Variants in BCAT1 observed in about 807,000 individuals in gnomAD.
The protein encoded by BCAT1 is branched chain amino acid transaminase 1, also known as branched-chain-amino-acid aminotransferase, cytosolic.
A neutral mutation model predicts 52.4 loss-of-function variants in BCAT1; 48 were observed. The ratio of observed to expected loss-of-function variants is 0.92; its 90% CI spans 0.73 to 1.16. The LOEUF (loss-of-function observed/expected upper bound fraction) is 1.16. Ranked by LOEUF, BCAT1 falls within the 50% of genes most tolerant of loss-of-function variation. The probability of loss-of-function intolerance (pLI) is 0.00; values close to 1 mark genes in which losing one functional copy is unlikely to be tolerated. For synonymous variants in BCAT1, 167 were observed against 161.3 expected, an observed-to-expected ratio of 1.04 and a Z score of -0.27; for missense variants, 451 against 457.1, an observed-to-expected ratio of 0.99 and a Z score of 0.12.
Position 24,949,084 on chromosome 12 carries a change from C to A in BCAT1, c.-152G>T, listed in dbSNP as rs924920734. ...AGTGCCCGAGGCGGCGGCGAGTACA[C>A]GTGGCGGGCTGGATTGCAGACCGGC... On this transcript the variant is annotated 5_prime_UTR_variant, in exon 1 of 11. Transcript: ENST00000261192. 3 of 701,580 alleles carry A rather than the reference C, an allele frequency of 4.3e-6. No individual in the cohort carries two copies. Among genetic ancestry groups the A allele is most frequent in the Non-Finnish European group, 7.1e-6 (3 of 422,026 alleles). The allele number at this position is 701,580 out of a possible 1,614,324, so 43.5% of individuals were successfully genotyped here.
intron 10 of BCAT1, among the ~76,000 whole-genome samples, chr12:24,824,592 G>A (rs1466014643): frequency 6.6e-6 from 1 of 152,108 alleles, no homozygotes; most frequent in Non-Finnish European, 1.5e-5. Context: ...GAGCCATCAT[G>A]CCCACCTAAA....
chr12:24,935,425 C>T (rs1451904706), intron 1 of BCAT1, among the ~76,000 whole-genome samples: 2 of 152,062 alleles, frequency 1.3e-5, no homozygotes, highest in East Asian at 3.9e-4. Flanking sequence ...CAACTCATTC[C>T]TCTCTATTTT....
intron 7 of BCAT1, among the ~76,000 whole-genome samples, chr12:24,841,810 G>A (rs1565457438): frequency 6.6e-6 from 1 of 152,258 alleles, no homozygotes; most frequent in East Asian, 1.9e-4. Context: ...TCGGGAGGCT[G>A]AGGCAGGAGA....
chr12:24,924,916 A>G (rs1193316902), intron 1 of BCAT1, among the ~76,000 whole-genome samples: 3 of 152,194 alleles, frequency 2.0e-5, no homozygotes, highest in Non-Finnish European at 2.9e-5. Flanking sequence ...CTTGGGAGAA[A>G]GAGAAAGCAT....
chr12:24,858,864 T>A (rs563548747), intron 5 of BCAT1, among the ~76,000 whole-genome samples: 1 of 152,202 alleles, frequency 6.6e-6, no homozygotes, highest in African/African-American at 2.4e-5. Flanking sequence ...TTAAGTTACA[T>A]AGGATAAAGC....
At chr12:24,922,287 C>T (rs1249863896) in intron 1 of BCAT1, among the ~76,000 whole-genome samples, 4 of 152,192 alleles carry the variant, frequency 2.6e-5, no homozygotes, top group African/African-American at 4.8e-5. Context: ...GCCTCAGTCC[C>T]CCAAGTAGCT....
At position 24,836,801 on chromosome 12, in the gene BCAT1, GGAAA is replaced by G. The variant is rs1469287799; in HGVS notation, c.818-209_818-206del. ...AAAAAAAGAAGAAAGAAGGAAGGAA[GGAAA>G]GAAGGAAGGAAGGAAAGAAGGAAGG... On this transcript the variant is annotated intron_variant, in intron 7 of 10. Transcript: ENST00000261192. Among the ~76,000 whole-genome samples the G allele has an allele frequency of 3.7e-5, 4 of 108,428 alleles. No individual in the cohort carries two copies. The Admixed American group carries it at 4.2e-4, about 11-fold the overall frequency. 71.1% of individuals were successfully genotyped at this position (108,428 alleles called of 152,430 possible).
chr12:24,821,306 T>C (rs865992034), intron 10 of BCAT1, among the ~76,000 whole-genome samples: 3 of 152,230 alleles, frequency 2.0e-5, no homozygotes, highest in Non-Finnish European at 1.5e-5. Flanking sequence ...TGCTCCTATC[T>C]CATTCAAGCT....
At chr12:24,848,581 T>A (rs1257081400) in intron 6 of BCAT1, among the ~76,000 whole-genome samples, 1 of 152,252 alleles carries the variant, frequency 6.6e-6, no homozygotes, top group Non-Finnish European at 1.5e-5. Context: ...GGGAAACTTT[T>A]TCCTTATTAC....
intron 3 of BCAT1, among the ~76,000 whole-genome samples, chr12:24,882,492 G>A (rs1942531444): frequency 6.6e-6 from 1 of 152,036 alleles, no homozygotes. Context: ...CAGTACTAAA[G>A]CTTCGGTTAA....
chr12:24,874,352 TA>T (rs1325654311), intron 5 of BCAT1, among the ~76,000 whole-genome samples: 2 of 152,088 alleles, frequency 1.3e-5, no homozygotes, highest in Non-Finnish European at 2.9e-5. Flanking sequence ...AAGGATCAGT[TA>T]ATTATAAAAC....
At chr12:24,927,824 C>T (rs1943615025) in intron 1 of BCAT1, among the ~76,000 whole-genome samples, 1 of 152,166 alleles carries the variant, frequency 6.6e-6, no homozygotes, top group South Asian at 2.1e-4. Flanking sequence ...TGGGAGAGTA[C>T]AACCAGAAAT....
At chr12:24,941,602 C>A (rs7296881) in intron 1 of BCAT1, among the ~76,000 whole-genome samples, 25,166 of 152,140 alleles carry the variant, frequency 0.17, 2,840 homozygotes, top group South Asian at 0.38. Context: ...TGCAAGGTTC[C>A]TGCCATGGTA....
At chr12:24,918,199 A>T (rs963378847) in intron 1 of BCAT1, among the ~76,000 whole-genome samples, 7 of 152,242 alleles carry the variant, frequency 4.6e-5, no homozygotes, top group Non-Finnish European at 8.8e-5. Context: ...AGTAAACTGC[A>T]GCGCCCTAGT....
chr12:24,901,668 C>G (rs1358884171), intron 2 of BCAT1, 146 bp downstream of exon 2: 1 of 809,362 alleles, frequency 1.2e-6, no homozygotes, highest in Non-Finnish European at 1.9e-6. Flanking sequence ...GCTTTTTTTC[C>G]TCTAAGAGTG....
intron 5 of BCAT1, among the ~76,000 whole-genome samples, chr12:24,861,342 G>T (rs7972930): frequency 1.3e-5 from 2 of 152,298 alleles, no homozygotes; most frequent in African/African-American, 4.8e-5. Flanking sequence ...GGAAAGGCTT[G>T]TTATTTAGTT....
At chr12:24,928,882 C>T (rs1288529681) in intron 1 of BCAT1, among the ~76,000 whole-genome samples, 3 of 150,744 alleles carry the variant, frequency 2.0e-5, no homozygotes, top group Non-Finnish European at 4.4e-5. Flanking sequence ...ATTACAGGCA[C>T]GTGCACCATG....
chr12:24,843,658 C>A (rs956941826), intron 6 of BCAT1, among the ~76,000 whole-genome samples: 1 of 152,140 alleles, frequency 6.6e-6, no homozygotes, highest in Admixed American at 6.5e-5. Context: ...CTACTGTTTT[C>A]ATCTGCACTA....
intron 5 of BCAT1, among the ~76,000 whole-genome samples, chr12:24,866,380 C>G (rs957591928): frequency 6.6e-6 from 1 of 152,218 alleles, no homozygotes; most frequent in East Asian, 1.9e-4. Flanking sequence ...CTCCCGCCCC[C>G]CGCCACCGCT....
Sources: gnomAD v4.1 joint callset for allele counts (sites outside exome capture counted in the v4.1 genomes callset) on GRCh38, gnomAD v4.1.1 for gene constraint, MANE v1.5 for transcripts, NCBI Gene and HGNC (gene_info 2026-07-23, HGNC 2026-07-21) for gene names.